SRGAP2C: variants seen among roughly 807,000 people sequenced by gnomAD.
The protein encoded by SRGAP2C is SLIT-ROBO Rho GTPase-activating protein 2C.
Under a neutral mutation model 25.1 loss-of-function variants are expected in SRGAP2C, and 15 were observed. The ratio of observed to expected loss-of-function variants is 0.60; its 90% confidence interval spans 0.40 to 0.92. The LOEUF (loss-of-function observed/expected upper bound fraction) is 0.92, where lower values mean the gene tolerates loss of function less well. Among genes scored for constraint, SRGAP2C ranks in the 40% least tolerant of loss-of-function variants. SRGAP2C has a pLI of 0.00. For missense variants in SRGAP2C, 144 were observed against 264.4 expected, an observed-to-expected ratio of 0.54 and a Z score of 3.16; for synonymous variants, 44 against 96.6, an observed-to-expected ratio of 0.46 and a Z score of 3.19.
chr1:121,323,498 C>T (rs1658252986), intron 3 of SRGAP2C, among the ~76,000 whole-genome samples: 1 of 135,344 alleles, frequency 7.4e-6, no homozygotes, highest in African/African-American at 2.8e-5. Context: ...TGCCTATAAT[C>T]CCAGCTACTA....
chr1:121,297,740 G>T (rs1165792734), intron 3 of SRGAP2C, among the ~76,000 whole-genome samples: 1 of 139,374 alleles, frequency 7.2e-6, no homozygotes, highest in Non-Finnish European at 1.5e-5. Flanking sequence ...CTTACTTGCT[G>T]TGTGATTTTA....
chr1:121,236,081 A>AAG (rs1655950985), intron 2 of SRGAP2C, among the ~76,000 whole-genome samples: 1 of 141,902 alleles, frequency 7.0e-6, no homozygotes, highest in Admixed American at 7.0e-5. Flanking sequence ...AAAAAAAAAA[A>AAG]AAGGTGTTCC....
intron 2 of SRGAP2C, among the ~76,000 whole-genome samples, chr1:121,191,712 A>G (rs1264172275): frequency 4.0e-5 from 6 of 151,864 alleles, no homozygotes; most frequent in African/African-American, 1.5e-4. Flanking sequence ...AGTCCCAGCT[A>G]TTGTTCTTTC....
rs1172508066 is a variant in SRGAP2C at position 121,357,623 on chromosome 1, A to G, written c.424-7670A>G. ...AACTGGGGAAGAAAAAGATTATGCA[A>G]CAGCAGGCATAAGGAAAAACAGAGA... On this transcript the variant is annotated intron_variant, in intron 4 of 9. Coordinates refer to ENST00000367123, the MANE Select transcript of SRGAP2C (RefSeq NM_001329984.2). Among the ~76,000 whole-genome samples the G allele has an allele frequency of 7.5e-5, 10 of 132,964 alleles. No individual in the cohort carries two copies. In the South Asian group the frequency reaches 2.4e-3, roughly 33 times the overall value. The allele number at this position is 132,964 out of a possible 152,430, so 87.2% of individuals were successfully genotyped here. A position where few individuals can be genotyped will look rare whatever the true frequency, so the allele number is the denominator to read the frequency against.
rs587593947 is a variant in SRGAP2C, at chr1:121,270,264, T to G, written c.68-14539T>G. 2.2e-4 allele frequency among the ~76,000 whole-genome samples: 33 copies of G among 152,024 alleles called. No individual in the cohort carries two copies. In the South Asian group the frequency reaches 6.8e-3, roughly 32 times the overall value. On this transcript the variant is annotated intron_variant, in intron 2 of 9. Coordinates refer to ENST00000367123, the MANE Select transcript of SRGAP2C (RefSeq NM_001329984.2). The stretch of plus-strand genomic sequence containing the variant: ...TCACAGTTGCTCTCTATCAGAATTT[T>G]TTAAGACATGGCTACTTTATCTTCA...
In SRGAP2C at chr1:121,285,527, T is replaced by C. The variant is rs1301759957; in HGVS notation, c.260+532T>C. On this transcript the variant is annotated intron_variant, in intron 3 of 9. Coordinates refer to ENST00000367123, the MANE Select transcript of SRGAP2C (RefSeq NM_001329984.2). ...ACTGTCTTTAATTAGAAGAAATAAA[T>C]GATGTTGAGGCCATTATATCTAAAT... Among the ~76,000 whole-genome samples, 3 of 145,832 alleles carry C rather than the reference T, an allele frequency of 2.1e-5. No homozygotes were observed. In the East Asian group the frequency reaches 6.0e-4, roughly 29 times the overall value.
chr1:121,312,636 G>A (rs1267350920), intron 3 of SRGAP2C, among the ~76,000 whole-genome samples: 22 of 121,274 alleles, frequency 1.8e-4, no homozygotes, highest in Admixed American at 6.1e-4. Flanking sequence ...GTTTTTTCTC[G>A]TTGGTTTCAA....
intron 2 of SRGAP2C, among the ~76,000 whole-genome samples, chr1:121,206,161 C>G (rs1367705361): frequency 2.0e-5 from 3 of 151,744 alleles, no homozygotes; most frequent in African/African-American, 7.3e-5. Flanking sequence ...TTCCTACACC[C>G]TAATACAATG....
chr1:121,192,354 G>C lies in SRGAP2C; in HGVS notation c.67+4841G>C, dbSNP rs1396946069. On this transcript the variant is annotated intron_variant, in intron 2 of 9. Transcript: ENST00000367123. ...TCATTTTCCCACAAGATGATTGAGG[G>C]CTCCTGTCCCTTGCTCAGGGGAAAA... Among the ~76,000 whole-genome samples the C allele has an allele frequency of 3.3e-5, 5 of 152,124 alleles. No homozygotes were observed. In the East Asian group the frequency reaches 9.6e-4, roughly 29 times the overall value.
intron 4 of SRGAP2C, among the ~76,000 whole-genome samples, chr1:121,343,508 G>A (rs1658677495): frequency 7.9e-6 from 1 of 127,188 alleles, no homozygotes; most frequent in African/African-American, 3.1e-5. Flanking sequence ...ATCTGAGCTT[G>A]TTGCCTCTGG....
intron 2 of SRGAP2C, among the ~76,000 whole-genome samples, chr1:121,191,923 AAG>A (rs1169328525): frequency 6.2e-5 from 9 of 146,006 alleles, no homozygotes; most frequent in African/African-American, 2.1e-4. Flanking sequence ...TTAATGTCTT[AAG>A]AGAACAGTGT....
At chr1:121,284,078 C>G (rs1331696479) in intron 2 of SRGAP2C, among the ~76,000 whole-genome samples, 1 of 151,986 alleles carries the variant, frequency 6.6e-6, no homozygotes, top group Non-Finnish European at 1.5e-5. Context: ...GAAAAAAACT[C>G]TTTCCAAGTC....
intron 3 of SRGAP2C, among the ~76,000 whole-genome samples, chr1:121,303,580 C>T (rs1466941383): frequency 1.3e-5 from 2 of 149,536 alleles, no homozygotes; most frequent in African/African-American, 4.9e-5. Context: ...GCCATGGATG[C>T]TAAATATGCT....
At chr1:121,295,734 TTTGTTGTTG>T (rs1217576526) in intron 3 of SRGAP2C, among the ~76,000 whole-genome samples, 61 of 150,080 alleles carry the variant, frequency 4.1e-4, no homozygotes, top group African/African-American at 8.4e-4. Context: ...CTTTTTTGTT[TTTGTTGTTG>T]TTGTTGTTGT....
At chr1:121,284,778 C>T in intron 2 of SRGAP2C, 25 bp from the exon 3 acceptor site, 2 of 567,070 alleles carry the variant, frequency 3.5e-6, no homozygotes, top group Non-Finnish European at 5.6e-6. Flanking sequence ...GTCTTTCTGA[C>T]TGTCTTCTCT....
At chr1:121,342,660 CAG>C (rs1177138523) in intron 4 of SRGAP2C, among the ~76,000 whole-genome samples, 4 of 51,724 alleles carry the variant, frequency 7.7e-5, no homozygotes, top group Non-Finnish European at 1.6e-4. Context: ...AGGAATATAA[CAG>C]GGTAAGCCTG....
At chr1:121,289,289 G>A (rs1360109643) in intron 3 of SRGAP2C, among the ~76,000 whole-genome samples, 8 of 144,312 alleles carry the variant, frequency 5.5e-5, no homozygotes, top group Non-Finnish European at 9.1e-5. Flanking sequence ...ATCGAGCACA[G>A]CGCCGATGGT....
intron 3 of SRGAP2C, among the ~76,000 whole-genome samples, chr1:121,314,014 A>G (rs1405136780): frequency 1.5e-5 from 2 of 132,884 alleles, no homozygotes; most frequent in African/African-American, 2.9e-5. Context: ...AATATCCTGC[A>G]GAGTGTTTTC....
intron 2 of SRGAP2C, among the ~76,000 whole-genome samples, chr1:121,282,527 C>A (rs1657269635): frequency 6.6e-6 from 1 of 151,142 alleles, no homozygotes; most frequent in Non-Finnish European, 1.5e-5. Flanking sequence ...CCTGGAAAGC[C>A]TTTCCACCCT....
Sources: allele counts gnomAD v4.1 joint callset (sites outside exome capture counted in the v4.1 genomes callset), GRCh38; gene constraint gnomAD v4.1.1; transcripts MANE v1.5; gene names NCBI Gene and HGNC (gene_info 2026-07-23, HGNC 2026-07-21).